Variants in NEO1 observed in about 807,000 individuals in gnomAD.
NEO1 encodes the protein neogenin.
NEO1 carries 63 observed loss-of-function variants against 159.7 expected under a neutral mutation model. That is an observed-to-expected ratio of 0.39 (90% CI 0.32 to 0.49). The LOEUF (loss-of-function observed/expected upper bound fraction) is 0.49, where lower values mean the gene tolerates loss of function less well. NEO1 is among the 20% of genes least tolerant of loss of function. The pLI is 0.85. For synonymous variants in NEO1, 633 were observed against 662.0 expected (o/e 0.96, Z 0.67); for missense variants, 1,615 against 1,831.0 (o/e 0.88, Z 2.15).
At position 73,260,405 on chromosome 15, in the gene NEO1, C is replaced by G. The variant is rs1250073212; in HGVS notation, c.2338C>G (p.Pro780Ala). The change falls in exon 15 of 29, where the codon CCT becomes GCT. Residue 780 changes from proline to alanine, a missense_variant. Physicochemically the swap from Pro to Ala is conservative, Grantham distance 27. Coordinates refer to ENST00000261908, the MANE Select transcript of NEO1 (RefSeq NM_002499.4). ...GYAIGYGIGS[P>A]HAQTIKVDYK... is the part of the protein sequence containing the mutation. The stretch of plus-strand genomic sequence containing the variant: ...CGCCATTGGTTATGGCATTGGCAGC[C>G]CTCATGCCCAGACCATCAAAGTGGA... 6.2e-7 allele frequency: 1 copy of G among 1,613,996 alleles called. No homozygotes were observed. The highest frequency in any genetic ancestry group is 8.5e-7 in the Non-Finnish European group (1 of 1,179,956).
At chr15:73,276,357 C>G (rs1279202150) in intron 21 of NEO1, among the ~76,000 whole-genome samples, 1 of 152,196 alleles carries the variant, frequency 6.6e-6, no homozygotes, top group Non-Finnish European at 1.5e-5. Flanking sequence ...GATAGTTTGG[C>G]TTAAATGTAG....
intron 5 of NEO1, among the ~76,000 whole-genome samples, chr15:73,168,488 C>T (rs910310430): frequency 2.0e-5 from 3 of 151,532 alleles, no homozygotes; most frequent in Admixed American, 6.6e-5. Flanking sequence ...TGTGAGCCAC[C>T]GCGCTGGCCG....
chr15:73,052,351 G>A (rs2067479548), upstream of NEO1: 1 of 145,216 alleles, frequency 6.9e-6, no homozygotes, highest in South Asian at 2.2e-4. Context: ...CCCTCGCGCT[G>A]GTGTGTGGAG....
Position 73,285,508 on chromosome 15 carries a change from GT to G in NEO1, c.3410+2401del, listed in dbSNP as rs370997313. The stretch of plus-strand genomic sequence containing the variant: ...AATCATCATATCAGATCTTCATGGG[GT>G]TTTCCCCTCCCCCACTTCCCCAGTT... On this transcript the variant is annotated intron_variant, in intron 23 of 28. Coordinates refer to ENST00000261908, the MANE Select transcript of NEO1 (RefSeq NM_002499.4). Among the ~76,000 whole-genome samples, 937 of 152,258 alleles carry G rather than the reference GT, an allele frequency of 6.2e-3. 13 individuals are homozygous for G. The highest frequency in any genetic ancestry group is 0.021 in the African/African-American group (889 of 41,550).
chr15:73,168,769 T>C (rs1051518897), intron 5 of NEO1, among the ~76,000 whole-genome samples: 1 of 152,204 alleles, frequency 6.6e-6, no homozygotes, highest in African/African-American at 2.4e-5. Flanking sequence ...AAATATATTC[T>C]TGCTTTGTTA....
chr15:73,052,868 C>A, intron 1 of NEO1, 63 bp downstream of exon 1: 1 of 241,546 alleles, frequency 4.1e-6, no homozygotes. Context: ...GCGGCCGCGG[C>A]TGCGGTGTTT....
intron 23 of NEO1, 106 bp downstream of exon 23, chr15:73,283,217 T>A (rs1046021383): frequency 7.9e-7 from 1 of 1,272,934 alleles, no homozygotes; most frequent in Non-Finnish European, 1.1e-6. Flanking sequence ...TAAAAATACA[T>A]GAAAAGGAAT....
intron 5 of NEO1, among the ~76,000 whole-genome samples, chr15:73,152,674 G>C (rs983527433): frequency 1.3e-5 from 2 of 152,292 alleles, no homozygotes; most frequent in African/African-American, 4.8e-5. Flanking sequence ...GTAACCGGTT[G>C]GGGGTGGGAG....
At chr15:73,287,069 C>T (rs1469618356) in intron 23 of NEO1, among the ~76,000 whole-genome samples, 1 of 152,174 alleles carries the variant, frequency 6.6e-6, no homozygotes, top group Non-Finnish European at 1.5e-5. Flanking sequence ...CTTAGCATTG[C>T]CCTAAAAGCT....
At chr15:73,113,512 T>C (rs540589471) in intron 1 of NEO1, among the ~76,000 whole-genome samples, 1 of 152,200 alleles carries the variant, frequency 6.6e-6, no homozygotes, top group East Asian at 1.9e-4. Context: ...CATTTCAAAC[T>C]TCTAGGGAAA....
At chr15:73,253,524 A>T in intron 12 of NEO1, 75 bp downstream of exon 12, 12 of 988,540 alleles carry the variant, frequency 1.2e-5, no homozygotes, top group Non-Finnish European at 1.8e-5. Flanking sequence ...AGAAAGGGAG[A>T]TTCTGTAGGA....
At chr15:73,253,479 T>G in intron 12 of NEO1, 30 bp downstream of exon 12, 1 of 1,550,462 alleles carries the variant, frequency 6.4e-7, no homozygotes, top group South Asian at 1.2e-5. Context: ...CTGTTCATTT[T>G]TACTGGTATA....
chr15:73,237,456 A>G (rs1246099054), intron 8 of NEO1, among the ~76,000 whole-genome samples: 1 of 152,226 alleles, frequency 6.6e-6, no homozygotes, highest in Non-Finnish European at 1.5e-5. Context: ...AAATTCCTTC[A>G]CTGTGCTCTT....
chr15:73,184,581 T>C (rs965081187), intron 7 of NEO1, among the ~76,000 whole-genome samples: 3 of 152,194 alleles, frequency 2.0e-5, no homozygotes, highest in African/African-American at 7.2e-5. Context: ...GGTGAAAGAA[T>C]AAATAAACCG....
At chr15:73,244,107 A>G (rs1285296362) in intron 8 of NEO1, among the ~76,000 whole-genome samples, 1 of 152,204 alleles carries the variant, frequency 6.6e-6, no homozygotes, top group Non-Finnish European at 1.5e-5. Context: ...AGTTGTGATT[A>G]TGGTCAGCGA....
rs529726269 is a variant in NEO1 at position 73,156,437 on chromosome 15, C to G, written c.1016-19966C>G. Reference sequence around the variant, plus strand: ...TCCAGGTAGGCTGATTCTTTGGCCACTGGGTGGCTCTCTCAAATGCCTGTT... The same window carrying G: ...TCCAGGTAGGCTGATTCTTTGGCCAGTGGGTGGCTCTCTCAAATGCCTGTT... On this transcript the variant is annotated intron_variant, in intron 5 of 28. Transcript: ENST00000261908. 3.4e-4 allele frequency among the ~76,000 whole-genome samples: 51 copies of G among 151,918 alleles called. 1 individual carries two copies. In the South Asian group the frequency reaches 0.01, roughly 31 times the overall value.
At position 73,304,184 on chromosome 15, in the gene NEO1, C is replaced by T. The variant is rs955526719; in HGVS notation, c.*1488C>T. 4.6e-5 allele frequency: 7 copies of T among 152,260 alleles called. No individual in the cohort carries two copies. The highest frequency in any genetic ancestry group is 1.4e-4 in the African/African-American group (6 of 41,452). The allele number at this position is 152,260 out of a possible 1,614,324, so 9.4% of individuals were successfully genotyped here. A position where few individuals can be genotyped will look rare whatever the true frequency, so the allele number is the denominator to read the frequency against. ...CCACAGGAGTTGTCTGAGGTGAACC[C>T]AGCCGCTCAGCCACACATGGAAGCC... On this transcript the variant is annotated 3_prime_UTR_variant, in exon 29 of 29. Coordinates refer to ENST00000261908, the MANE Select transcript of NEO1 (RefSeq NM_002499.4).
intron 15 of NEO1, among the ~76,000 whole-genome samples, chr15:73,265,678 G>A (rs1332060464): frequency 6.6e-6 from 1 of 152,138 alleles, no homozygotes; most frequent in African/African-American, 2.4e-5. Flanking sequence ...TCCATTTGTT[G>A]TTAGTTCTGA....
At position 73,052,687 on chromosome 15, in the gene NEO1, GC is replaced by G; in HGVS notation, c.13del (p.Arg5GlyfsTer68). On this transcript the variant is annotated frameshift_variant, in exon 1 of 29. Transcript: ENST00000261908. LOFTEE classifies it high-confidence loss of function. MAAERGARRLLSTPS... is the reference protein window; with the variant it reads MAAEXGARRLLSTPS... ...CTCTCGGGGAAGAGATGGCGGCGGA[GC>G]GGGGAGCCCGGCGACTCCTCAGCAC... 1.5e-6 allele frequency: 2 copies of G among 1,357,022 alleles called. No individual in the cohort carries two copies. Among genetic ancestry groups the G allele is most frequent in the South Asian group, 1.6e-5 (1 of 62,638 alleles). The allele number at this position is 1,357,022 out of a possible 1,614,324, so 84.1% of individuals were successfully genotyped here. A position where few individuals can be genotyped will look rare whatever the true frequency, so the allele number is the denominator to read the frequency against.
Sources: gnomAD v4.1 joint callset for allele counts (sites outside exome capture counted in the v4.1 genomes callset) on GRCh38, gnomAD v4.1.1 for gene constraint, MANE v1.5 for transcripts, NCBI Gene and HGNC (gene_info 2026-07-23, HGNC 2026-07-21) for gene names.